The following DDX10 variants were observed in gnomAD, a reference collection of about 807,000 sequenced individuals.
DDX10 encodes the protein probable ATP-dependent RNA helicase DDX10.
Under a neutral mutation model 104.3 loss-of-function variants are expected in DDX10, and 74 were observed. The observed-to-expected ratio is 0.71, with a 90% CI of 0.59 to 0.86. DDX10 has a LOEUF of 0.86. Among genes scored for constraint, DDX10 ranks in the 40% least tolerant of loss-of-function variants. DDX10 has a pLI of 0.00. For missense variants in DDX10, 952 were observed against 1,040.0 expected (o/e 0.92, Z 1.16); for synonymous variants, 351 against 353.4 (o/e 0.99, Z 0.08).
intron 17 of DDX10, chr11:108,918,384 AT>A (rs1436225219): frequency 9.3e-5 from 23 of 246,016 alleles, no homozygotes; most frequent in Non-Finnish European, 1.4e-4. Flanking sequence ...TTAGGGTTTT[AT>A]TTTTTTTCAT....
chr11:108,908,438 A>G (rs1863626153), intron 16 of DDX10, among the ~76,000 whole-genome samples: 1 of 152,202 alleles, frequency 6.6e-6, no homozygotes, highest in Admixed American at 6.5e-5. Flanking sequence ...TTTAATTCAT[A>G]CAATATGGGA....
At chr11:108,666,108 C>T (rs1437193659) in intron 1 of DDX10, among the ~76,000 whole-genome samples, 1 of 152,158 alleles carries the variant, frequency 6.6e-6, no homozygotes, top group Non-Finnish European at 1.5e-5. Context: ...TCCCTAAATC[C>T]CATGTTTGTT....
chr11:108,717,535 C>G (rs1460717463), intron 11 of DDX10, among the ~76,000 whole-genome samples: 1 of 152,160 alleles, frequency 6.6e-6, no homozygotes, highest in Non-Finnish European at 1.5e-5. Flanking sequence ...GGTCTCAAAA[C>G]TCCTGGCCTC....
At chr11:108,769,481 G>T (rs771821785) in intron 13 of DDX10, among the ~76,000 whole-genome samples, 9 of 151,770 alleles carry the variant, frequency 5.9e-5, no homozygotes, top group Non-Finnish European at 1.2e-4. Flanking sequence ...TTGTGATGTT[G>T]ATTTATTCTC....
chr11:108,772,878 C>T (rs923010865), intron 13 of DDX10, among the ~76,000 whole-genome samples: 4 of 152,134 alleles, frequency 2.6e-5, no homozygotes, highest in Admixed American at 6.5e-5. Flanking sequence ...AATAGTCCCT[C>T]GTGCCAAAAA....
At chr11:108,744,209 G>A (rs1248614892) in intron 13 of DDX10, among the ~76,000 whole-genome samples, 1 of 152,112 alleles carries the variant, frequency 6.6e-6, no homozygotes, top group Non-Finnish European at 1.5e-5. Flanking sequence ...GAGAGAGAGG[G>A]TAGTCTCGTC....
chr11:108,837,063 G>T (rs78824628), intron 13 of DDX10, among the ~76,000 whole-genome samples: 6,429 of 152,234 alleles, frequency 0.042, 371 homozygotes, highest in African/African-American at 0.13. Flanking sequence ...CAGTTGGCTT[G>T]ATCTCTCTAT....
intron 13 of DDX10, among the ~76,000 whole-genome samples, chr11:108,764,252 A>G (rs1191324363): frequency 2.6e-5 from 4 of 152,222 alleles, no homozygotes; most frequent in Non-Finnish European, 5.9e-5. Context: ...TTAGCCACAT[A>G]CAGCACATGA....
At chr11:108,839,026 G>T (rs996213301) in intron 14 of DDX10, among the ~76,000 whole-genome samples, 2 of 152,182 alleles carry the variant, frequency 1.3e-5, no homozygotes, top group Non-Finnish European at 2.9e-5. Flanking sequence ...AGTAGTCTCA[G>T]ACACAGAGGT....
chr11:108,794,901 AC>A (rs35663375), intron 13 of DDX10, among the ~76,000 whole-genome samples: 133,257 of 151,730 alleles, frequency 0.88, 58,909 homozygotes, highest in East Asian at 0.99. Flanking sequence ...ATTTCGGCTC[AC>A]CTGTAACCTC....
rs1565244500 is a variant in DDX10, at chr11:108,680,461, C to T, written c.848+901C>T. ...AATTCCTGAGATCAAGCAATCCTCC[C>T]ACTTTGGCCTCCCAAAGTGTTGAGA... On this transcript the variant is annotated intron_variant, in intron 6 of 17. Coordinates refer to ENST00000322536, the MANE Select transcript of DDX10 (RefSeq NM_004398.4). Among the ~76,000 whole-genome samples the T allele has an allele frequency of 2.6e-5, 4 of 152,288 alleles. No homozygotes were observed. The South Asian group carries it at 8.3e-4, about 32-fold the overall frequency.
chr11:108,895,225 T>A (rs1028690684), intron 16 of DDX10, among the ~76,000 whole-genome samples: 1 of 151,974 alleles, frequency 6.6e-6, no homozygotes, highest in Non-Finnish European at 1.5e-5. Flanking sequence ...CAGGAAACTT[T>A]GCCAGAGCAT....
chr11:108,896,159 C>T (rs1253587964), intron 16 of DDX10, among the ~76,000 whole-genome samples: 2 of 152,130 alleles, frequency 1.3e-5, no homozygotes, highest in East Asian at 3.8e-4. Flanking sequence ...TACTTACATA[C>T]ATCTACTATG....
rs773777930 is a variant in DDX10, at chr11:108,689,092, G to T, written c.975+30G>T. 2.0e-5 allele frequency: 33 copies of T among 1,609,878 alleles called. No homozygotes were observed. In the African/African-American group the frequency reaches 4.3e-4, roughly 21 times the overall value. On this transcript the variant is annotated intron_variant, in intron 7 of 17. Coordinates refer to ENST00000322536, the MANE Select transcript of DDX10 (RefSeq NM_004398.4). ...TGGCTGTTTATTTTGCTTTCTGAAC[G>T]TATGTTGAATGTCCCTTTTGAAATG...
At chr11:108,915,742 A>G (rs752590390) in intron 16 of DDX10, among the ~76,000 whole-genome samples, 72 of 152,220 alleles carry the variant, frequency 4.7e-4, no homozygotes, top group Non-Finnish European at 7.8e-4. Flanking sequence ...TTACACATCA[A>G]CGTTTGTTAT....
intron 6 of DDX10, among the ~76,000 whole-genome samples, chr11:108,688,333 C>T (rs2094247486): frequency 6.6e-6 from 1 of 152,230 alleles, no homozygotes; most frequent in East Asian, 1.9e-4. Flanking sequence ...ACCATAAATA[C>T]CTTATACCAA....
At chr11:108,810,706 T>C (rs1052894472) in intron 13 of DDX10, among the ~76,000 whole-genome samples, 1 of 152,198 alleles carries the variant, frequency 6.6e-6, no homozygotes, top group Non-Finnish European at 1.5e-5. Flanking sequence ...GATAAGTGCA[T>C]GTGTGCACAC....
At chr11:108,875,525 C>T (rs1863139846) in intron 16 of DDX10, among the ~76,000 whole-genome samples, 1 of 152,134 alleles carries the variant, frequency 6.6e-6, no homozygotes, top group South Asian at 2.1e-4. Context: ...AATCTTTAAG[C>T]TCTCATCAGA....
chr11:108,792,359 G>A (rs1350750822), intron 13 of DDX10, among the ~76,000 whole-genome samples: 11 of 152,062 alleles, frequency 7.2e-5, no homozygotes, highest in Non-Finnish European at 1.5e-4. Context: ...AAAGGTTTTT[G>A]TCCTTTGTTC....
Sources: allele counts gnomAD v4.1 joint callset (sites outside exome capture counted in the v4.1 genomes callset), GRCh38; gene constraint gnomAD v4.1.1; transcripts MANE v1.5; gene names NCBI Gene and HGNC (gene_info 2026-07-23, HGNC 2026-07-21).